The following SGMS1 variants were observed in gnomAD, a reference collection of about 807,000 sequenced individuals.
The protein encoded by SGMS1 is sphingomyelin synthase 1, also known as phosphatidylcholine:ceramide cholinephosphotransferase 1.
Under a neutral mutation model 46.2 loss-of-function variants are expected in SGMS1, and 13 were observed. That is an observed-to-expected ratio of 0.28 (90% CI 0.18 to 0.45). The LOEUF is 0.45. Among genes scored for constraint, SGMS1 ranks in the 20% least tolerant of loss-of-function variants. The pLI, the probability that SGMS1 is intolerant of heterozygous loss-of-function variation, is 1.00. For missense variants in SGMS1, 324 were observed against 519.9 expected, an observed-to-expected ratio of 0.62 and a Z score of 3.66; for synonymous variants, 203 against 187.8, an observed-to-expected ratio of 1.08 and a Z score of -0.66.
intron 3 of SGMS1, among the ~76,000 whole-genome samples, chr10:50,470,478 C>A (rs925956686): frequency 1.3e-5 from 2 of 151,684 alleles, no homozygotes; most frequent in African/African-American, 4.8e-5. Context: ...CACACAGGAT[C>A]CTGCTGCTGT....
intron 1 of SGMS1, among the ~76,000 whole-genome samples, chr10:50,606,871 T>G (rs35896564): frequency 0.019 from 2,839 of 152,284 alleles, 39 homozygotes; most frequent in Non-Finnish European, 0.029. Context: ...ATCTCCTGCA[T>G]CCATCAGCAA....
At chr10:50,613,786 T>G (rs1296153264) in intron 1 of SGMS1, among the ~76,000 whole-genome samples, 2 of 152,246 alleles carry the variant, frequency 1.3e-5, no homozygotes, top group African/African-American at 4.8e-5. Flanking sequence ...ATATGTAACA[T>G]TCTTTCAAAT....
At chr10:50,350,444 A>C (rs1847989173) in intron 6 of SGMS1, among the ~76,000 whole-genome samples, 1 of 152,208 alleles carries the variant, frequency 6.6e-6, no homozygotes, top group Non-Finnish European at 1.5e-5. Flanking sequence ...ATAAGTAGTA[A>C]GGAGCTTAGT....
At chr10:50,538,312 G>A (rs555917388) in intron 2 of SGMS1, among the ~76,000 whole-genome samples, 1 of 151,744 alleles carries the variant, frequency 6.6e-6, no homozygotes, top group East Asian at 2.0e-4. Context: ...AAAAAAATTA[G>A]CCGGGCGTGG....
intron 2 of SGMS1, among the ~76,000 whole-genome samples, chr10:50,553,404 T>C (rs1388558277): frequency 6.6e-6 from 1 of 152,128 alleles, no homozygotes. Flanking sequence ...AATGAGACCA[T>C]GCACAAAAAG....
chr10:50,465,874 C>A (rs1312166055), intron 4 of SGMS1, among the ~76,000 whole-genome samples: 1 of 151,446 alleles, frequency 6.6e-6, no homozygotes, highest in East Asian at 1.9e-4. Context: ...CACAAACAAC[C>A]AACTTGGAGG....
At chr10:50,583,726 C>G (rs11006217) in intron 2 of SGMS1, among the ~76,000 whole-genome samples, 34,580 of 152,192 alleles carry the variant, frequency 0.23, 4,730 homozygotes, top group East Asian at 0.64. Context: ...GACTTTTTCA[C>G]TTGAGACAGT....
intron 6 of SGMS1, among the ~76,000 whole-genome samples, chr10:50,421,177 G>T (rs748381303): frequency 3.9e-5 from 6 of 152,064 alleles, no homozygotes; most frequent in Non-Finnish European, 8.8e-5. Context: ...GAAACTACGG[G>T]TCCAGTGCCA....
intron 3 of SGMS1, among the ~76,000 whole-genome samples, chr10:50,517,828 T>C (rs984845572): frequency 2.6e-5 from 4 of 151,964 alleles, no homozygotes; most frequent in African/African-American, 9.7e-5. Context: ...TAAACAGATG[T>C]CCTGACGGCA....
chr10:50,411,955 A>C lies in SGMS1; in HGVS notation c.-232+21521T>G, dbSNP rs111461099. ...AGGCCTCTAAGCACTAGCAGGGCTTAGTCTATGTTAGTAATTTCTGAGAAG... is the reference window on the plus strand; with the variant it reads ...AGGCCTCTAAGCACTAGCAGGGCTTCGTCTATGTTAGTAATTTCTGAGAAG... On this transcript the variant is annotated intron_variant, in intron 6 of 10. Transcript: ENST00000361781. 8.6e-3 allele frequency among the ~76,000 whole-genome samples: 1,317 copies of C among 152,350 alleles called. 21 individuals are homozygous for C. The highest frequency in any genetic ancestry group is 0.029 in the African/African-American group (1,205 of 41,582).
intron 6 of SGMS1, among the ~76,000 whole-genome samples, chr10:50,425,687 G>A (rs1468890929): frequency 1.3e-5 from 2 of 152,096 alleles, no homozygotes. Flanking sequence ...CCAAAACTCA[G>A]CATCACACAA....
intron 4 of SGMS1, among the ~76,000 whole-genome samples, chr10:50,465,240 G>A (rs865990618): frequency 3.3e-5 from 5 of 152,120 alleles, no homozygotes; most frequent in Non-Finnish European, 5.9e-5. Context: ...AGCCAACCAC[G>A]TAACAAATTT....
intron 6 of SGMS1, among the ~76,000 whole-genome samples, chr10:50,377,079 A>G (rs1848532442): frequency 6.6e-6 from 1 of 152,204 alleles, no homozygotes; most frequent in Non-Finnish European, 1.5e-5. Flanking sequence ...TTCTGTTGCT[A>G]GAACAGAATA....
intron 3 of SGMS1, among the ~76,000 whole-genome samples, chr10:50,488,016 T>G (rs181614253): frequency 6.7e-6 from 1 of 149,376 alleles, no homozygotes; most frequent in African/African-American, 2.5e-5. Context: ...TTTATTTATT[T>G]ATTTATTTAT....
At chr10:50,616,064 CTTCT>C (rs1250305518) in intron 1 of SGMS1, among the ~76,000 whole-genome samples, 2 of 152,146 alleles carry the variant, frequency 1.3e-5, no homozygotes, top group Non-Finnish European at 2.9e-5. Flanking sequence ...TTTTCTGACT[CTTCT>C]TTATTATCAA....
chr10:50,528,804 G>A (rs1172326795), intron 2 of SGMS1, among the ~76,000 whole-genome samples: 1 of 151,974 alleles, frequency 6.6e-6, no homozygotes, highest in Non-Finnish European at 1.5e-5. Flanking sequence ...AGGCTGCAAT[G>A]AGCCATGATT....
At chr10:50,524,906 G>C (rs916115472) in intron 2 of SGMS1, among the ~76,000 whole-genome samples, 14 of 152,152 alleles carry the variant, frequency 9.2e-5, no homozygotes, top group African/African-American at 3.4e-4. Context: ...CTTCAGAAGA[G>C]GGTGCAAAAA....
At chr10:50,415,025 G>A (rs187102471) in intron 6 of SGMS1, among the ~76,000 whole-genome samples, 14 of 152,354 alleles carry the variant, frequency 9.2e-5, no homozygotes, top group Non-Finnish European at 2.1e-4. Flanking sequence ...GGAGGCTGAG[G>A]CAGGAGAATG....
intron 7 of SGMS1, among the ~76,000 whole-genome samples, chr10:50,331,104 A>G (rs1847617201): frequency 6.6e-6 from 1 of 152,242 alleles, no homozygotes; most frequent in Non-Finnish European, 1.5e-5. Context: ...TATAAGGTTG[A>G]AAAATGAAAT....
Sources: allele counts gnomAD v4.1 joint callset (sites outside exome capture counted in the v4.1 genomes callset), GRCh38; gene constraint gnomAD v4.1.1; transcripts MANE v1.5; gene names NCBI Gene and HGNC (gene_info 2026-07-23, HGNC 2026-07-21).